Variants in ZMYM4 observed in about 807,000 individuals in gnomAD.
The protein encoded by ZMYM4 is zinc finger MYM-type protein 4.
A neutral mutation model predicts 183.2 loss-of-function variants in ZMYM4; 31 were observed. The ratio of observed to expected loss-of-function variants is 0.17; its 90% CI spans 0.13 to 0.23. The LOEUF (loss-of-function observed/expected upper bound fraction) is 0.23, where lower values mean the gene tolerates loss of function less well. Ranked by LOEUF, ZMYM4 falls within the 10% of genes least tolerant of loss-of-function variation. ZMYM4 has a pLI of 1.00. For synonymous variants in ZMYM4, 592 were observed against 631.2 expected (o/e 0.94, Z 0.93); for missense variants, 1,273 against 1,840.3 (o/e 0.69, Z 5.64).
At chr1:35,403,020 A>T (rs1283414131) in intron 23 of ZMYM4, among the ~76,000 whole-genome samples, 2 of 152,204 alleles carry the variant, frequency 1.3e-5, no homozygotes, top group Non-Finnish European at 2.9e-5. Context: ...GGTGGTTTCT[A>T]TCAGGTTGAA....
rs927120069 is a variant in ZMYM4 at position 35,396,762 on chromosome 1, G to A, written c.3030+92G>A. 1.4e-5 allele frequency: 19 copies of A among 1,399,476 alleles called. No homozygotes were observed. In the Admixed American group the frequency reaches 2.9e-4, roughly 21 times the overall value. 86.7% of individuals were successfully genotyped at this position (1,399,476 alleles called of 1,614,324 possible). A position where few individuals can be genotyped will look rare whatever the true frequency, so the allele number is the denominator to read the frequency against. The stretch of plus-strand genomic sequence containing the variant: ...CTGTGAAGAAAGTTTTCATTTGTTA[G>A]TAAAATATACCTGCTTCTGATTGGC... On this transcript the variant is annotated intron_variant, in intron 19 of 29. Coordinates refer to ENST00000314607, the MANE Select transcript of ZMYM4 (RefSeq NM_005095.3).
chr1:35,359,597 G>A lies in ZMYM4; in HGVS notation c.607+151G>A, dbSNP rs112072620. On this transcript the variant is annotated intron_variant, in intron 3 of 29. Coordinates refer to ENST00000314607, the MANE Select transcript of ZMYM4 (RefSeq NM_005095.3). ...TTCTTTTGTCCTTGTTCTTTGCAGA[G>A]TGACTGAATTTCTCCCAGTAACTTT... 49 of 838,978 alleles carry A rather than the reference G, an allele frequency of 5.8e-5. 2 individuals carry two copies. Among genetic ancestry groups the A allele is most frequent in the African/African-American group, 4.3e-4 (24 of 56,318 alleles). 52.0% of individuals were successfully genotyped at this position (838,978 alleles called of 1,614,324 possible).
intron 1 of ZMYM4, chr1:35,310,195 C>G (rs1286270440): frequency 1.3e-5 from 2 of 155,230 alleles, no homozygotes; most frequent in Non-Finnish European, 2.8e-5. Flanking sequence ...CTCGGCCTCC[C>G]AAAGTGTTGG....
chr1:35,396,563 A>C lies in ZMYM4; in HGVS notation c.2923A>C (p.Ser975Arg), dbSNP rs1468006233. ...NKECQTEDTPSQPQIIVVPVP... is the reference protein window; with the variant it reads ...NKECQTEDTPRQPQIIVVPVP... ...GTTGTTACTGTTAGAAGACACTCCA[A>C]GTCAGCCCCAGATTATTGTGGTGCC... Residue 975 changes from serine to arginine, a missense_variant, in exon 19 of 30, where the codon AGT becomes CGT. Ser to Arg is a moderately radical substitution (Grantham distance 110). Coordinates refer to ENST00000314607, the MANE Select transcript of ZMYM4 (RefSeq NM_005095.3). 1.2e-6 allele frequency: 2 copies of C among 1,613,694 alleles called. No homozygotes were observed. The highest frequency in any genetic ancestry group is 2.2e-5 in the East Asian group (1 of 44,872).
chr1:35,344,681 A>C (rs1027449574), intron 2 of ZMYM4, among the ~76,000 whole-genome samples: 1 of 152,138 alleles, frequency 6.6e-6, no homozygotes, highest in Non-Finnish European at 1.5e-5. Context: ...GATAAATCTT[A>C]CTTATGATAT....
chr1:35,400,949 T>G (rs1343513688), intron 23 of ZMYM4, among the ~76,000 whole-genome samples: 1 of 152,256 alleles, frequency 6.6e-6, no homozygotes, highest in Non-Finnish European at 1.5e-5. Flanking sequence ...CAGTAGTTGA[T>G]TCCTTTTTAT....
rs74591886 is a variant in ZMYM4, at chr1:35,414,729, A to G, written c.4060+646A>G. The stretch of plus-strand genomic sequence containing the variant: ...TGGGGAAATTTTTTTAAGAATTCCT[A>G]TTTCATCATGTGAAAATTATATTAA... On this transcript the variant is annotated intron_variant, in intron 27 of 29. Coordinates refer to ENST00000314607, the MANE Select transcript of ZMYM4 (RefSeq NM_005095.3). Among the ~76,000 whole-genome samples, 3,009 of 152,170 alleles carry G rather than the reference A, an allele frequency of 0.02. 203 individuals carry two copies. In the East Asian group the frequency reaches 0.24, roughly 12 times the overall value.
At chr1:35,417,629 GGAGT>G (rs1156927464) in intron 28 of ZMYM4, among the ~76,000 whole-genome samples, 1 of 152,024 alleles carries the variant, frequency 6.6e-6, no homozygotes, top group African/African-American at 2.4e-5. Flanking sequence ...CTTGAACCCA[GGAGT>G]TCAAGGCTGC....
chr1:35,388,583 A>AAAAACAAAAACAAAGC (rs1553178872), intron 13 of ZMYM4, among the ~76,000 whole-genome samples: 1 of 151,954 alleles, frequency 6.6e-6, no homozygotes, highest in Non-Finnish European at 1.5e-5. Flanking sequence ...CATTTAAAAC[A>AAAAACAAAAACAAAGC]AAAACAAAAA....
rs951644144 is a variant in ZMYM4 at position 35,421,455 on chromosome 1, G to A, written c.*1778G>A. 6.6e-6 allele frequency: 1 copy of A among 152,600 alleles called. No homozygotes were observed. Among genetic ancestry groups the A allele is most frequent in the Non-Finnish European group, 1.5e-5 (1 of 68,042 alleles). The allele number at this position is 152,600 out of a possible 1,614,324, so 9.5% of individuals were successfully genotyped here. A position where few individuals can be genotyped will look rare whatever the true frequency, so the allele number is the denominator to read the frequency against. ...CCAATAAACTATCCAGAAATAGCAA[G>A]TGTAATAGTCCCCACTATACGAATT... is the stretch of plus-strand genomic sequence containing the variant. On this transcript the variant is annotated 3_prime_UTR_variant, in exon 30 of 30. Coordinates refer to ENST00000314607, the MANE Select transcript of ZMYM4 (RefSeq NM_005095.3).
At chr1:35,396,423 A>G (rs1366206977) in intron 18 of ZMYM4, 129 bp from the exon 19 acceptor site, 1 of 1,259,832 alleles carries the variant, frequency 7.9e-7, no homozygotes, top group Non-Finnish European at 1.1e-6. Flanking sequence ...CCTTTGTAAG[A>G]AGTCCTGTAG....
chr1:35,305,544 T>G (rs1043390946), intron 1 of ZMYM4, among the ~76,000 whole-genome samples: 5 of 151,196 alleles, frequency 3.3e-5, no homozygotes, highest in African/African-American at 1.2e-4. Flanking sequence ...CTTGTCATGT[T>G]TTCTCTTCTT....
intron 29 of ZMYM4, among the ~76,000 whole-genome samples, chr1:35,419,125 G>C (rs1018311874): frequency 2.0e-5 from 3 of 152,014 alleles, no homozygotes; most frequent in Non-Finnish European, 4.4e-5. Context: ...TGACTTTTTT[G>C]TTGCTCTTAA....
intron 1 of ZMYM4, among the ~76,000 whole-genome samples, chr1:35,281,851 T>G (rs934211963): frequency 1.3e-5 from 2 of 152,306 alleles, no homozygotes; most frequent in Non-Finnish European, 2.9e-5. Context: ...AACTTTAAAT[T>G]ACTTTCTGTG....
In ZMYM4 at chr1:35,377,824, A is replaced by G. The variant is rs530972448; in HGVS notation, c.1182-3435A>G. Among the ~76,000 whole-genome samples, 8 of 152,290 alleles carry G rather than the reference A, an allele frequency of 5.3e-5. No homozygotes were observed. The East Asian group carries it at 1.5e-3, about 29-fold the overall frequency. On this transcript the variant is annotated intron_variant, in intron 7 of 29. Transcript: ENST00000314607. ...GTTTTGGTGGCTGTGGCAATTTCTTAAGATAACAATGAAGTTTGTCACATC... is the reference window on the plus strand; with the variant it reads ...GTTTTGGTGGCTGTGGCAATTTCTTGAGATAACAATGAAGTTTGTCACATC...
intron 10 of ZMYM4, 85 bp from the exon 11 acceptor site, chr1:35,385,989 T>C: frequency 1.8e-5 from 16 of 911,820 alleles, no homozygotes; most frequent in Non-Finnish European, 2.5e-5. Flanking sequence ...TAAATTTTCT[T>C]ATATTGTATA....
intron 2 of ZMYM4, 89 bp downstream of exon 2, chr1:35,325,494 G>A: frequency 7.7e-7 from 1 of 1,305,142 alleles, no homozygotes; most frequent in Admixed American, 2.3e-5. Context: ...ACAGTGTTTA[G>A]TTAGGGCTGA....
rs961923220 is a variant in ZMYM4, at chr1:35,389,150, G to A, written c.2436+68G>A. The stretch of plus-strand genomic sequence containing the variant: ...AAATTATTCCCTTTTAAAATTTCAT[G>A]TCACATAAAGGACAATTTAATTATT... On this transcript the variant is annotated intron_variant, in intron 14 of 29. Coordinates refer to ENST00000314607, the MANE Select transcript of ZMYM4 (RefSeq NM_005095.3). The surrounding 1 kb of genome is among the most constrained non-coding windows in gnomAD (Gnocchi z 4.0). 139 of 1,456,722 alleles carry A rather than the reference G, an allele frequency of 9.5e-5. No individual in the cohort carries two copies. Among genetic ancestry groups the A allele is most frequent in the Non-Finnish European group, 1.2e-4 (129 of 1,080,900 alleles). The allele number at this position is 1,456,722 out of a possible 1,614,324, so 90.2% of individuals were successfully genotyped here.
intron 1 of ZMYM4, among the ~76,000 whole-genome samples, chr1:35,315,572 C>T (rs1642007681): frequency 6.6e-6 from 1 of 152,016 alleles, no homozygotes; most frequent in African/African-American, 2.4e-5. Context: ...GTTTAAGTAA[C>T]TTTACATAAA....
Sources: gnomAD v4.1 joint callset for allele counts (sites outside exome capture counted in the v4.1 genomes callset) on GRCh38, gnomAD v4.1.1 for gene constraint, Gnocchi (gnomAD v3.1) non-coding constraint, MANE v1.5 for transcripts, NCBI Gene and HGNC (gene_info 2026-07-23, HGNC 2026-07-21) for gene names.